Variants in CHD8 observed in about 807,000 individuals in gnomAD.
CHD8 encodes the protein chromodomain helicase DNA binding protein 8, also known as ATP-dependent chromatin remodeler CHD8.
A neutral mutation model predicts 279.2 loss-of-function variants in CHD8; 31 were observed. The ratio of observed to expected loss-of-function variants is 0.11; its 90% confidence interval spans 0.08 to 0.15. The LOEUF (loss-of-function observed/expected upper bound fraction) is 0.15, where lower values mean the gene tolerates loss of function less well. Ranked by LOEUF, CHD8 falls within the 10% of genes least tolerant of loss-of-function variation. The pLI is 1.00. For missense variants in CHD8, 2,146 were observed against 3,230.5 expected, an observed-to-expected ratio of 0.66 and a Z score of 8.14; for synonymous variants, 1,081 against 1,139.6, an observed-to-expected ratio of 0.95 and a Z score of 1.04.
At chr14:21,443,242 T>C (rs1465484002) in intron 1 of CHD8, among the ~76,000 whole-genome samples, 1 of 150,446 alleles carries the variant, frequency 6.6e-6, no homozygotes, top group African/African-American at 2.4e-5. Context: ...ATACAAAAAA[T>C]TAGCCGGGTG....
Position 21,385,924 on chromosome 14 carries a change from C to T in CHD8, c.7435G>A (p.Gly2479Ser). Residue 2479 changes from glycine (G) to serine (S), a missense_variant, in exon 38 of 38, where the codon GGT becomes AGT. Physicochemically the swap from Gly to Ser is moderately conservative, Grantham distance 56. Coordinates refer to ENST00000646647, the MANE Select transcript of CHD8 (RefSeq NM_001170629.2). Reference protein sequence around the residue: ...SLPFMPFVMGGAPSSPHVDSS... With the variant: ...SLPFMPFVMGSAPSSPHVDSS... ...TCTACATGAGGGGATGATGGTGCAC[C>T]ACCCATCACAAATGGCATAAAAGGC... The T allele has an allele frequency of 1.3e-6, 2 of 1,553,082 alleles. No individual in the cohort carries two copies. The highest frequency in any genetic ancestry group is 8.7e-7 in the Non-Finnish European group (1 of 1,147,752).
chr14:21,418,426 A>C lies in CHD8; in HGVS notation c.1717-2519T>G, dbSNP rs552302227. On this transcript the variant is annotated intron_variant, in intron 5 of 37. Coordinates refer to ENST00000646647, the MANE Select transcript of CHD8 (RefSeq NM_001170629.2). ...TCCTAGCTACTAGGGAGGCTGAGGC[A>C]TGAGGATCACTTGAATGCAGGAGGC... 5.3e-5 allele frequency among the ~76,000 whole-genome samples: 8 copies of C among 152,316 alleles called. No individual in the cohort carries two copies. The South Asian group carries it at 1.7e-3, about 32-fold the overall frequency.
rs1887638677 is a variant in CHD8, at chr14:21,393,473, C to T, written c.6319+3G>A. 1 of 1,558,154 alleles carries T rather than the reference C, an allele frequency of 6.4e-7. No homozygotes were observed. The highest frequency in any genetic ancestry group is 1.2e-5 in the South Asian group (1 of 84,210). On this transcript the variant is annotated splice_donor_region_variant and intron_variant, in intron 32 of 37. Coordinates refer to ENST00000646647, the MANE Select transcript of CHD8 (RefSeq NM_001170629.2). Reference sequence around the variant, plus strand: ...GGGCCAACAGCCTGTCACATGCACTCACTTAGCTTCTCTTCCTTCTCATCC... The same window carrying T: ...GGGCCAACAGCCTGTCACATGCACTTACTTAGCTTCTCTTCCTTCTCATCC...
rs1889575049 is a variant in CHD8 at position 21,431,778 on chromosome 14, G to T, written c.-135C>A. On this transcript the variant is annotated 5_prime_UTR_variant, in exon 2 of 38. Coordinates refer to ENST00000646647, the MANE Select transcript of CHD8 (RefSeq NM_001170629.2). ...AGAGGACTACTCTTCAAGTATAGAG[G>T]CAAGAAACAAGTGCATGTCAGATTG... The T allele has an allele frequency of 1.9e-6, 3 of 1,613,122 alleles. No homozygotes were observed. The highest frequency in any genetic ancestry group is 2.5e-6 in the Non-Finnish European group (3 of 1,179,352).
chr14:21,437,284 T>C, intron 1 of CHD8: 1 of 1,137,678 alleles, frequency 8.8e-7, no homozygotes, highest in Non-Finnish European at 1.1e-6. Context: ...CTGATGCTCC[T>C]GCCCGCCCCG....
intron 9 of CHD8, chr14:21,414,039 T>C (rs942763384): frequency 2.2e-5 from 8 of 361,566 alleles, no homozygotes; most frequent in South Asian, 1.4e-4. Flanking sequence ...CAGCAGTCAG[T>C]GTATCATCAG....
At chr14:21,425,642 T>C (rs1889280197) in intron 5 of CHD8, 1 of 152,338 alleles carries the variant, frequency 6.6e-6, no homozygotes, top group Admixed American at 6.6e-5. Context: ...ACTATTTTTA[T>C]AGTAATATGC....
At chr14:21,395,396 AG>A (rs763779239) in intron 28 of CHD8, 44 bp from the exon 29 acceptor site, 16 of 1,429,778 alleles carry the variant, frequency 1.1e-5, no homozygotes, top group South Asian at 3.6e-5. Context: ...GGGGAGGGAA[AG>A]GGGGGGAAGT....
At chr14:21,390,816 A>T in intron 37 of CHD8, 131 bp downstream of exon 37, 1 of 603,372 alleles carries the variant, frequency 1.7e-6, no homozygotes, top group South Asian at 2.2e-5. Flanking sequence ...TTATTGGTGA[A>T]CTCAAGATAA....
At chr14:21,421,021 C>T (rs1889018204) in intron 5 of CHD8, among the ~76,000 whole-genome samples, 1 of 152,178 alleles carries the variant, frequency 6.6e-6, no homozygotes, top group South Asian at 2.1e-4. Context: ...CTCGGCCTCC[C>T]AAGTGCTGGG....
chr14:21,385,714 C>T lies in CHD8; in HGVS notation c.7645G>A (p.Asp2549Asn). Residue 2549 changes from aspartate (D) to asparagine (N), a missense_variant, in exon 38 of 38, where the codon GAC becomes AAC. Asp to Asn is a conservative substitution (Grantham distance 23). Around this residue, in one of 26 missense-constraint regions of CHD8, gnomAD observed 336 missense variants for 392.9 expected, o/e 0.86. Coordinates refer to ENST00000646647, the MANE Select transcript of CHD8 (RefSeq NM_001170629.2). The stretch of plus-strand genomic sequence containing the variant: ...GAGCTATCATAGCCCTGAGATAAGT[C>T]ATCATCATCTTCTTCATCCTCATCG... ...DDDEDEEDDD[D>N]LSQGYDSSER... 1 of 1,551,818 alleles carries T rather than the reference C, an allele frequency of 6.4e-7. No homozygotes were observed. The highest frequency in any genetic ancestry group is 8.7e-7 in the Non-Finnish European group (1 of 1,147,002).
chr14:21,394,249 T>A, intron 31 of CHD8, 28 bp downstream of exon 31: 1 of 1,613,588 alleles, frequency 6.2e-7, no homozygotes, highest in Middle Eastern at 1.7e-4. Flanking sequence ...TTGGCATCCA[T>A]CCTCACCCAC....
chr14:21,433,442 A>G (rs1889646690), intron 1 of CHD8, among the ~76,000 whole-genome samples: 1 of 152,226 alleles, frequency 6.6e-6, no homozygotes, highest in Admixed American at 6.5e-5. Flanking sequence ...AATACAGGAA[A>G]GTCTTGCTTG....
intron 26 of CHD8, chr14:21,399,332 A>G: frequency 2.4e-6 from 1 of 420,438 alleles, no homozygotes. Context: ...TTACCATAGC[A>G]TACAGTGCGG....
At chr14:21,453,189 A>G (rs1211521494) in intron 1 of CHD8, among the ~76,000 whole-genome samples, 2 of 151,606 alleles carry the variant, frequency 1.3e-5, no homozygotes, top group Admixed American at 1.3e-4. Context: ...TAGGTACCAA[A>G]GAAAGACCAC....
At chr14:21,392,311 G>C (rs973838814) in intron 34 of CHD8, 196 bp downstream of exon 34, 12 of 763,290 alleles carry the variant, frequency 1.6e-5, no homozygotes, top group Non-Finnish European at 2.7e-5. Flanking sequence ...AATATTAATA[G>C]GATTAATAAT....
At chr14:21,449,653 G>C (rs2139573467) in intron 1 of CHD8, among the ~76,000 whole-genome samples, 1 of 152,346 alleles carries the variant, frequency 6.6e-6, no homozygotes, top group South Asian at 2.1e-4. Context: ...TTGTGATCTA[G>C]AGTAACATCC....
At chr14:21,394,623 A>AAG (rs1202544031) in intron 30 of CHD8, 138 bp from the exon 31 acceptor site, 2 of 582,266 alleles carry the variant, frequency 3.4e-6, no homozygotes, top group African/African-American at 3.8e-5. Flanking sequence ...AAAAAAAAAA[A>AAG]AGGCCCAGAA....
rs989306143 is a variant in CHD8, at chr14:21,429,017, G to T, written c.1162C>A (p.Gln388Lys). 3 of 1,613,988 alleles carry T rather than the reference G, an allele frequency of 1.9e-6. No homozygotes were observed. The African/African-American group carries it at 4.0e-5, about 22-fold the overall frequency. Residue 388 changes from glutamine to lysine, a missense_variant, in exon 3 of 38, where the codon CAA (glutamine) becomes AAA (lysine). Transcript: ENST00000646647. ...ACTGAAAGTCTTTGTCCTGGGCTTT[G>T]TCCTGGTCCCATTATCTGAGCCTGC... ...VQQAQIMGPG[Q>K]SPGQRLSVPV...
Sources: allele counts gnomAD v4.1 joint callset (sites outside exome capture counted in the v4.1 genomes callset), GRCh38; gene constraint gnomAD v4.1.1; regional missense constraint gnomAD v4.1.1; transcripts MANE v1.5; gene names NCBI Gene and HGNC (gene_info 2026-07-23, HGNC 2026-07-21).